VAC14: variants seen among roughly 807,000 people sequenced by gnomAD.
VAC14 encodes protein VAC14 homolog.
Under a neutral mutation model 85.3 loss-of-function variants are expected in VAC14, and 47 were observed. The observed-to-expected ratio is 0.55, with a 90% CI of 0.44 to 0.70. The LOEUF (loss-of-function observed/expected upper bound fraction) is 0.70, where lower values mean the gene tolerates loss of function less well. Ranked by LOEUF, VAC14 falls within the 30% of genes least tolerant of loss-of-function variation. VAC14 has a pLI of 0.00. For synonymous variants in VAC14, 447 were observed against 430.5 expected, an observed-to-expected ratio of 1.04 and a Z score of -0.47; for missense variants, 861 against 1,004.3, an observed-to-expected ratio of 0.86 and a Z score of 1.93.
intron 10 of VAC14, 126 bp from the exon 11 acceptor site, chr16:70,763,151 C>T (rs926509992): frequency 1.7e-5 from 24 of 1,390,800 alleles, no homozygotes; most frequent in South Asian, 7.0e-5. Flanking sequence ...CTAGGGGGAT[C>T]GGGGGTCAGG....
intron 13 of VAC14, 37 bp from the exon 14 acceptor site, chr16:70,731,664 T>C: frequency 6.2e-7 from 1 of 1,608,042 alleles, no homozygotes; most frequent in Non-Finnish European, 8.5e-7. Context: ...TTTATTCTGA[T>C]TATGTGTCCA....
intron 14 of VAC14, among the ~76,000 whole-genome samples, chr16:70,728,533 C>G (rs2143000800): frequency 1.3e-5 from 2 of 152,354 alleles, no homozygotes; most frequent in Middle Eastern, 6.8e-3. Flanking sequence ...GGCCTGGAGT[C>G]TGCACCTGGG....
At chr16:70,709,270 C>T (rs1428457132) in intron 14 of VAC14, among the ~76,000 whole-genome samples, 1 of 152,154 alleles carries the variant, frequency 6.6e-6, no homozygotes, top group East Asian at 1.9e-4. Flanking sequence ...TCACTGCTGC[C>T]CACCCACCCC....
chr16:70,692,486 C>T (rs2053616023), intron 18 of VAC14, among the ~76,000 whole-genome samples: 1 of 152,168 alleles, frequency 6.6e-6, no homozygotes, highest in South Asian at 2.1e-4. Context: ...CCCGGTGTTT[C>T]TCTCCAGGGT....
intron 12 of VAC14, chr16:70,755,943 G>A (rs1484726010): frequency 8.8e-6 from 4 of 452,970 alleles, no homozygotes; most frequent in Non-Finnish European, 1.3e-5. Context: ...ACAGCTCGGG[G>A]GTTTGGGGCT....
At chr16:70,753,011 G>GTGTGTGTGTGTGTGT (rs1555521573) in intron 12 of VAC14, among the ~76,000 whole-genome samples, 19 of 142,982 alleles carry the variant, frequency 1.3e-4, no homozygotes, top group African/African-American at 3.7e-4. Context: ...AGGAGGAGGG[G>GTGTGTGTGTGTGTGT]GTGTGTGTGT....
At chr16:70,691,272 AG>A in intron 18 of VAC14, 2 of 985,422 alleles carry the variant, frequency 2.0e-6, no homozygotes, top group African/African-American at 1.7e-5. Context: ...CCTGGCCAGG[AG>A]GACTCCCAGG....
Position 70,801,050 on chromosome 16 carries a change from C to T in VAC14, c.-150G>A. ...TGCCTGCCACGCTCCGCCGCCTCGCCCTGGAACCCGGGCCCGGACCCCGCT... is the reference window on the plus strand; with the variant it reads ...TGCCTGCCACGCTCCGCCGCCTCGCTCTGGAACCCGGGCCCGGACCCCGCT... On this transcript the variant is annotated 5_prime_UTR_variant, in exon 1 of 19. Coordinates refer to ENST00000261776, the MANE Select transcript of VAC14 (RefSeq NM_018052.5). 1 of 513,504 alleles carries T rather than the reference C, an allele frequency of 1.9e-6. No homozygotes were observed. Among genetic ancestry groups the T allele is most frequent in the Non-Finnish European group, 3.3e-6 (1 of 304,582 alleles). 31.8% of individuals were successfully genotyped at this position (513,504 alleles called of 1,614,324 possible). A position where few individuals can be genotyped will look rare whatever the true frequency, so the allele number is the denominator to read the frequency against.
chr16:70,746,726 C>T (rs2030924001), intron 12 of VAC14, among the ~76,000 whole-genome samples: 1 of 152,326 alleles, frequency 6.6e-6, no homozygotes, highest in South Asian at 2.1e-4. Context: ...GGAAGTGGCA[C>T]AGCAATGAAT....
intron 14 of VAC14, among the ~76,000 whole-genome samples, chr16:70,728,593 C>T (rs1030957757): frequency 7.9e-5 from 12 of 152,204 alleles, no homozygotes; most frequent in Admixed American, 2.0e-4. Context: ...AGGCCCTGAG[C>T]GGGTGGGGAG....
In VAC14 at chr16:70,754,608, C is replaced by G. The variant is rs986225432; in HGVS notation, c.1371+7932G>C. Among the ~76,000 whole-genome samples the G allele has an allele frequency of 5.3e-5, 8 of 152,214 alleles. No homozygotes were observed. The South Asian group carries it at 6.2e-4, about 12-fold the overall frequency. ...GCAGTGTCCCCTGCCCACGGCAGGG[C>G]CAGGGGAGGGTGCCTCAGGAAGAGG... On this transcript the variant is annotated intron_variant, in intron 12 of 18. Transcript: ENST00000261776.
intron 12 of VAC14, among the ~76,000 whole-genome samples, chr16:70,749,555 C>T (rs1270764881): frequency 1.3e-5 from 2 of 152,346 alleles, no homozygotes; most frequent in East Asian, 1.9e-4. Flanking sequence ...ACACTGTGTG[C>T]GCTTGTGCGC....
At chr16:70,781,527 C>A (rs549181898) in intron 8 of VAC14, among the ~76,000 whole-genome samples, 1 of 152,164 alleles carries the variant, frequency 6.6e-6, no homozygotes, top group East Asian at 1.9e-4. Context: ...CTGTGAAATG[C>A]GCCTATTTCT....
chr16:70,700,870 C>T (rs1199195926), intron 14 of VAC14, among the ~76,000 whole-genome samples: 1 of 152,208 alleles, frequency 6.6e-6, no homozygotes, highest in African/African-American at 2.4e-5. Context: ...ACAGCTGAGC[C>T]GCTGCCAGGC....
chr16:70,756,820 G>A (rs969797772), intron 12 of VAC14, among the ~76,000 whole-genome samples: 7 of 152,262 alleles, frequency 4.6e-5, no homozygotes, highest in Admixed American at 1.3e-4. Flanking sequence ...CCACTCCCTA[G>A]ACCTTGCCCC....
chr16:70,754,859 T>C (rs570696199), intron 12 of VAC14, among the ~76,000 whole-genome samples: 16 of 152,056 alleles, frequency 1.1e-4, no homozygotes, highest in Non-Finnish European at 2.2e-4. Context: ...TGGAGGGAAG[T>C]GAACACTGAG....
At chr16:70,782,443 A>G (rs1717673657) in intron 7 of VAC14, among the ~76,000 whole-genome samples, 1 of 152,230 alleles carries the variant, frequency 6.6e-6, no homozygotes, top group African/African-American at 2.4e-5. Flanking sequence ...TGCCCAGGCT[A>G]GCCTGCTGGA....
intron 10 of VAC14, chr16:70,768,398 T>C (rs1239026168): frequency 6.1e-6 from 1 of 163,032 alleles, no homozygotes; most frequent in Non-Finnish European, 1.3e-5. Context: ...AGTGGAGACA[T>C]TTCTCTCTTA....
intron 1 of VAC14, among the ~76,000 whole-genome samples, chr16:70,790,381 G>A (rs573829738): frequency 1.3e-5 from 2 of 152,190 alleles, no homozygotes; most frequent in Non-Finnish European, 2.9e-5. Flanking sequence ...GTAGGTGACA[G>A]GGTTGGAAAA....
Sources: gnomAD v4.1 joint callset for allele counts (sites outside exome capture counted in the v4.1 genomes callset) on GRCh38, gnomAD v4.1.1 for gene constraint, MANE v1.5 for transcripts, NCBI Gene and HGNC (gene_info 2026-07-23, HGNC 2026-07-21) for gene names.